The following ANKRD45 variants were observed in gnomAD, a reference collection of about 807,000 sequenced individuals.
The protein encoded by ANKRD45 is ankyrin repeat domain 45.
ANKRD45 carries 21 observed loss-of-function variants against 28.1 expected under a neutral mutation model. The observed-to-expected ratio is 0.75, with a 90% CI of 0.53 to 1.08. ANKRD45 has a LOEUF of 1.08. Among genes scored for constraint, ANKRD45 ranks in the 50% least tolerant of loss-of-function variants. ANKRD45 has a pLI of 0.00. For missense variants in ANKRD45, 261 were observed against 308.7 expected, an observed-to-expected ratio of 0.85 and a Z score of 1.16; for synonymous variants, 86 against 103.9, an observed-to-expected ratio of 0.83 and a Z score of 1.05.
the ANKRD45 span, among the ~76,000 whole-genome samples, chr1:173,695,189 C>CT: frequency 1.3e-5 from 2 of 151,952 alleles, no homozygotes; most frequent in Non-Finnish European, 2.9e-5. Flanking sequence ...TAAATGCTTT[C>CT]TTTTTTAAGT....
intron 5 of ANKRD45, among the ~76,000 whole-genome samples, chr1:173,615,060 C>A (rs1667399883): frequency 6.6e-6 from 1 of 152,080 alleles, no homozygotes; most frequent in Non-Finnish European, 1.5e-5. Flanking sequence ...CTCCAGTAAT[C>A]CACCCGCCTC....
At position 173,623,898 on chromosome 1, in the gene ANKRD45, G is replaced by A. The variant is rs1667812275; in HGVS notation, c.730+889C>T. Among the ~76,000 whole-genome samples, 3 of 145,346 alleles carry A rather than the reference G, an allele frequency of 2.1e-5. No homozygotes were observed. In the South Asian group the frequency reaches 6.5e-4, roughly 32 times the overall value. ...ACTGTATGTTCTCACTTGTAAGTGG[G>A]AGCTGAATGATGAGAACACATGGAC... On this transcript the variant is annotated intron_variant, in intron 5 of 5. Transcript: ENST00000333279.
intron 5 of ANKRD45, among the ~76,000 whole-genome samples, chr1:173,616,658 A>T (rs989912921): frequency 1.3e-5 from 2 of 152,188 alleles, no homozygotes; most frequent in African/African-American, 4.8e-5. Context: ...GATTCTTAGG[A>T]TAGTATTCCC....
Position 173,621,653 on chromosome 1 carries a change from A to G in ANKRD45, c.730+3134T>C, listed in dbSNP as rs186639879. On this transcript the variant is annotated intron_variant, in intron 5 of 5. Coordinates refer to ENST00000333279, the MANE Select transcript of ANKRD45 (RefSeq NM_198493.3). ...AATAAACTAAGTATTGAAGGAACAT[A>G]CCTCAAAATAATCAGAGCCCTATAT... Among the ~76,000 whole-genome samples, 266 of 152,310 alleles carry G rather than the reference A, an allele frequency of 1.7e-3. 1 individual carries two copies. The highest frequency in any genetic ancestry group is 3.1e-3 in the Non-Finnish European group (214 of 68,030).
the ANKRD45 span, among the ~76,000 whole-genome samples, chr1:173,701,897 G>C: frequency 6.6e-6 from 1 of 151,870 alleles, no homozygotes. Context: ...ATCATTTTAT[G>C]ATTCGAAGCT....
intron 4 of ANKRD45, 56 bp downstream of exon 4, chr1:173,627,009 A>G: frequency 7.6e-7 from 1 of 1,311,820 alleles, no homozygotes; most frequent in Non-Finnish European, 1.1e-6. Flanking sequence ...AAAAATTAAA[A>G]TGTAAGACAA....
chr1:173,632,717 C>A (rs536217962), intron 3 of ANKRD45, among the ~76,000 whole-genome samples: 12 of 152,046 alleles, frequency 7.9e-5, no homozygotes, highest in Non-Finnish European at 1.5e-4. Context: ...TCAACAAATG[C>A]AAATCAATTA....
At chr1:173,628,675 G>T (rs1004433269) in intron 3 of ANKRD45, among the ~76,000 whole-genome samples, 1 of 152,176 alleles carries the variant, frequency 6.6e-6, no homozygotes, top group African/African-American at 2.4e-5. Flanking sequence ...CTCCCAGATG[G>T]CATCTCCAGA....
intron 3 of ANKRD45, among the ~76,000 whole-genome samples, chr1:173,642,111 G>A (rs1230615264): frequency 6.6e-6 from 1 of 152,098 alleles, no homozygotes; most frequent in Non-Finnish European, 1.5e-5. Flanking sequence ...GTGCTACAAG[G>A]ATTAACAGCC....
At chr1:173,625,037 C>T in intron 4 of ANKRD45, 112 bp from the exon 5 acceptor site, 1 of 1,139,582 alleles carries the variant, frequency 8.8e-7, no homozygotes, top group Non-Finnish European at 1.2e-6. Flanking sequence ...TAGAAATATT[C>T]TGTACCTGCA....
intron 5 of ANKRD45, among the ~76,000 whole-genome samples, chr1:173,620,142 C>T (rs1306712277): frequency 6.6e-6 from 1 of 152,226 alleles, no homozygotes; most frequent in Non-Finnish European, 1.5e-5. Flanking sequence ...CCAAAAACAA[C>T]AGAATATACG....
At chr1:173,650,934 G>A (rs1669181260) in intron 2 of ANKRD45, among the ~76,000 whole-genome samples, 1 of 152,086 alleles carries the variant, frequency 6.6e-6, no homozygotes, top group Non-Finnish European at 1.5e-5. Context: ...CCCACTTTTT[G>A]ATGGGGTTGT....
the ANKRD45 span, among the ~76,000 whole-genome samples, chr1:173,691,723 C>CT: frequency 6.6e-6 from 1 of 152,250 alleles, no homozygotes; most frequent in African/African-American, 2.4e-5. Flanking sequence ...GAAGACAGAG[C>CT]TTGCAGTGAG....
At chr1:173,678,754 G>A in the ANKRD45 span, among the ~76,000 whole-genome samples, 1 of 152,130 alleles carries the variant, frequency 6.6e-6, no homozygotes, top group Non-Finnish European at 1.5e-5. Context: ...TAGAAAAAGA[G>A]GGAGTCAAAT....
intron 5 of ANKRD45, among the ~76,000 whole-genome samples, chr1:173,616,301 C>G (rs1271991732): frequency 1.3e-5 from 2 of 151,754 alleles, no homozygotes; most frequent in African/African-American, 4.8e-5. Flanking sequence ...AGAGGGCAGC[C>G]ATCCTAACCC....
chr1:173,652,926 TGG>T (rs1291218657), intron 2 of ANKRD45, among the ~76,000 whole-genome samples: 3 of 152,276 alleles, frequency 2.0e-5, no homozygotes, highest in Non-Finnish European at 4.4e-5. Context: ...TGTATTTCTG[TGG>T]GATCGGTGGT....
the ANKRD45 span, among the ~76,000 whole-genome samples, chr1:173,689,924 G>A: frequency 6.6e-6 from 1 of 151,800 alleles, no homozygotes; most frequent in East Asian, 1.9e-4. Flanking sequence ...TGCCCAAGAT[G>A]GACAGTAACT....
At chr1:173,624,253 G>A (rs1571700855) in intron 5 of ANKRD45, among the ~76,000 whole-genome samples, 1 of 152,128 alleles carries the variant, frequency 6.6e-6, no homozygotes, top group African/African-American at 2.4e-5. Context: ...AACACTTCAG[G>A]AGGCTGAGGC....
chr1:173,708,552 A>AAG, the ANKRD45 span, among the ~76,000 whole-genome samples: 5 of 152,308 alleles, frequency 3.3e-5, no homozygotes, highest in African/African-American at 9.6e-5. Flanking sequence ...GTTCTTTGTA[A>AAG]ATTACCCAGT....
Sources: allele counts gnomAD v4.1 joint callset (sites outside exome capture counted in the v4.1 genomes callset), GRCh38; gene constraint gnomAD v4.1.1; transcripts MANE v1.5; gene names NCBI Gene and HGNC (gene_info 2026-07-23, HGNC 2026-07-21).